Variants in SNTG1 observed in about 807,000 individuals in gnomAD.
SNTG1 encodes syntrophin gamma 1, also known as gamma-1-syntrophin.
In SNTG1, 39 loss-of-function variants were observed where a neutral mutation model predicts 74.7. The ratio of observed to expected loss-of-function variants is 0.52; its 90% confidence interval spans 0.40 to 0.68. SNTG1 has a LOEUF of 0.68. SNTG1 is among the 30% of genes least tolerant of loss of function. The pLI is 0.00. For synonymous variants in SNTG1, 254 were observed against 217.1 expected (o/e 1.17, Z -1.49); for missense variants, 685 against 609.5 (o/e 1.12, Z -1.30).
intron 13 of SNTG1, among the ~76,000 whole-genome samples, chr8:50,596,274 G>T (rs2094726528): frequency 6.6e-6 from 1 of 151,888 alleles, no homozygotes; most frequent in African/African-American, 2.4e-5. Context: ...CTCTTCAAAT[G>T]TTGCCCAAGG....
Position 50,792,837 on chromosome 8 carries a change from A to T in SNTG1, c.*8A>T. ...GCAAAGTATACAACTTGACATACTG[A>T]ACTCTTCATTGACACACCCCATGAC... On this transcript the variant is annotated 3_prime_UTR_variant, in exon 19 of 19. Coordinates refer to ENST00000642720, the MANE Select transcript of SNTG1 (RefSeq NM_018967.5). The T allele has an allele frequency of 1.9e-6, 3 of 1,610,670 alleles. No individual in the cohort carries two copies. Among genetic ancestry groups the T allele is most frequent in the Non-Finnish European group, 2.5e-6 (3 of 1,178,074 alleles).
chr8:50,042,309 G>T (rs1818704508), intron 1 of SNTG1, among the ~76,000 whole-genome samples: 1 of 152,002 alleles, frequency 6.6e-6, no homozygotes, highest in Admixed American at 6.6e-5. Flanking sequence ...CCACCCCCAG[G>T]GTGCTGCTGA....
intron 2 of SNTG1, among the ~76,000 whole-genome samples, chr8:50,340,995 A>G (rs537954941): frequency 6.6e-6 from 1 of 152,006 alleles, no homozygotes; most frequent in South Asian, 2.1e-4. Flanking sequence ...TCTAATCCAA[A>G]CCTCCAAATG....
chr8:50,116,421 T>C (rs1200629011), intron 1 of SNTG1, among the ~76,000 whole-genome samples: 1 of 152,202 alleles, frequency 6.6e-6, no homozygotes, highest in Non-Finnish European at 1.5e-5. Context: ...CTTTTATTTC[T>C]ATGATTTTTA....
intron 17 of SNTG1, among the ~76,000 whole-genome samples, chr8:50,712,233 G>A (rs940747388): frequency 2.6e-5 from 4 of 152,174 alleles, no homozygotes; most frequent in African/African-American, 9.6e-5. Flanking sequence ...AGTGAGGATG[G>A]ACATGGAATT....
chr8:50,016,015 G>A (rs1246085315), intron 1 of SNTG1, among the ~76,000 whole-genome samples: 1 of 152,052 alleles, frequency 6.6e-6, no homozygotes, highest in Admixed American at 6.6e-5. Flanking sequence ...TCAGCTGCAG[G>A]CCTTGCAGTT....
intron 1 of SNTG1, among the ~76,000 whole-genome samples, chr8:49,983,181 A>G (rs1812840466): frequency 6.6e-6 from 1 of 152,334 alleles, no homozygotes; most frequent in African/African-American, 2.4e-5. Context: ...TCTTTGTTAC[A>G]TAATTATATT....
chr8:50,033,951 A>G (rs1817944817), intron 1 of SNTG1, among the ~76,000 whole-genome samples: 1 of 152,224 alleles, frequency 6.6e-6, no homozygotes, highest in Admixed American at 6.5e-5. Flanking sequence ...GGAAAAGATA[A>G]GCAGTAAGAG....
At chr8:50,643,210 A>G (rs1460032171) in intron 13 of SNTG1, among the ~76,000 whole-genome samples, 1 of 152,260 alleles carries the variant, frequency 6.6e-6, no homozygotes, top group Non-Finnish European at 1.5e-5. Context: ...ATTTCCTTTT[A>G]GCACACTGCT....
chr8:50,040,544 G>T (rs920060401), intron 1 of SNTG1, among the ~76,000 whole-genome samples: 7 of 152,128 alleles, frequency 4.6e-5, no homozygotes, highest in African/African-American at 7.2e-5. Flanking sequence ...CCAATGCAGG[G>T]ATTATTAAGT....
intron 1 of SNTG1, among the ~76,000 whole-genome samples, chr8:50,108,978 G>A (rs924377750): frequency 6.6e-6 from 1 of 152,274 alleles, no homozygotes; most frequent in Non-Finnish European, 1.5e-5. Flanking sequence ...AGGCGGGTAG[G>A]CAGGGAGTAG....
chr8:50,147,819 T>A (rs906524623), intron 1 of SNTG1, among the ~76,000 whole-genome samples: 4 of 152,216 alleles, frequency 2.6e-5, no homozygotes, highest in Non-Finnish European at 5.9e-5. Context: ...GCACTGTAAT[T>A]CCAGTAACCA....
In SNTG1 at chr8:50,392,636, A is replaced by AC. The variant is rs142444760; in HGVS notation, c.-27-1575dup. Among the ~76,000 whole-genome samples, 1,419 of 152,268 alleles carry AC rather than the reference A, an allele frequency of 9.3e-3. 27 individuals are homozygous for AC. The highest frequency in any genetic ancestry group is 0.032 in the African/African-American group (1,345 of 41,558). ...AGTTATCTCCTATATATTTTATCTA[A>AC]CTGTATGTAGAAATTCTTTGTGCTT... is the stretch of plus-strand genomic sequence containing the variant. On this transcript the variant is annotated intron_variant, in intron 2 of 18. Transcript: ENST00000642720.
intron 2 of SNTG1, among the ~76,000 whole-genome samples, chr8:50,250,656 A>T (rs555229848): frequency 3.9e-5 from 6 of 152,256 alleles, no homozygotes; most frequent in African/African-American, 1.4e-4. Flanking sequence ...AAAATTGATG[A>T]CATACTACAA....
intron 1 of SNTG1, among the ~76,000 whole-genome samples, chr8:50,143,584 A>T (rs1218351051): frequency 2.0e-5 from 3 of 152,216 alleles, no homozygotes; most frequent in African/African-American, 7.2e-5. Context: ...ATAGTCTCGT[A>T]CTTTTAAACA....
chr8:50,540,773 G>GTCTA (rs1459628629), intron 11 of SNTG1, among the ~76,000 whole-genome samples: 1 of 151,954 alleles, frequency 6.6e-6, no homozygotes, highest in Non-Finnish European at 1.5e-5. Flanking sequence ...TTGCCTTTAA[G>GTCTA]TCTATCTGTA....
chr8:50,701,721 T>TTC (rs1563761678), intron 15 of SNTG1, among the ~76,000 whole-genome samples: 1 of 135,094 alleles, frequency 7.4e-6, no homozygotes, highest in Non-Finnish European at 1.6e-5. Context: ...TCTTCCTCTT[T>TTC]TTCTTCTTCT....
intron 11 of SNTG1, among the ~76,000 whole-genome samples, chr8:50,548,306 A>G (rs2094402104): frequency 6.6e-6 from 1 of 152,198 alleles, no homozygotes; most frequent in Non-Finnish European, 1.5e-5. Context: ...CAATGCAGCT[A>G]GATCCTGGAT....
chr8:50,685,516 C>T (rs1028673697), intron 15 of SNTG1, among the ~76,000 whole-genome samples: 3 of 152,152 alleles, frequency 2.0e-5, no homozygotes, highest in African/African-American at 7.2e-5. Context: ...TTCAGAATCT[C>T]TGAGTTTTCA....
Sources: allele counts gnomAD v4.1 joint callset (sites outside exome capture counted in the v4.1 genomes callset), GRCh38; gene constraint gnomAD v4.1.1; transcripts MANE v1.5; gene names NCBI Gene and HGNC (gene_info 2026-07-23, HGNC 2026-07-21).